The following SEMA6D variants were observed in gnomAD, a reference collection of about 807,000 sequenced individuals.
The protein encoded by SEMA6D is semaphorin-6D.
Under a neutral mutation model 106.6 loss-of-function variants are expected in SEMA6D, and 35 were observed. The observed-to-expected ratio is 0.33, with a 90% CI of 0.25 to 0.44. The LOEUF is 0.44. Ranked by LOEUF, SEMA6D falls within the 20% of genes least tolerant of loss-of-function variation. The probability of loss-of-function intolerance (pLI) is 1.00; values close to 1 mark genes in which losing one functional copy is unlikely to be tolerated. For synonymous variants in SEMA6D, 499 were observed against 487.7 expected, an observed-to-expected ratio of 1.02 and a Z score of -0.31; for missense variants, 1,185 against 1,345.9, an observed-to-expected ratio of 0.88 and a Z score of 1.87.
At position 47,305,069 on chromosome 15, in the gene SEMA6D, G is replaced by A. The variant is rs141070231; in HGVS notation, c.-238-107324G>A. The stretch of plus-strand genomic sequence containing the variant: ...TGTAAAGATTAGAAATAATCATCTG[G>A]GTTTCTTATTAAAAACGTAAGTTCA... On this transcript the variant is annotated intron_variant, in intron 1 of 19. Transcript: ENST00000558014. 3.2e-3 allele frequency among the ~76,000 whole-genome samples: 489 copies of A among 152,104 alleles called. 3 individuals are homozygous for A. The highest frequency in any genetic ancestry group is 0.011 in the African/African-American group (474 of 41,478).
chr15:47,419,288 A>G (rs151216245), intron 2 of SEMA6D, among the ~76,000 whole-genome samples: 2 of 152,294 alleles, frequency 1.3e-5, no homozygotes, highest in East Asian at 1.9e-4. Context: ...GAGTGGCTCA[A>G]GAAGGATGGC....
chr15:47,679,343 A>C (rs935029726), intron 4 of SEMA6D, among the ~76,000 whole-genome samples: 4 of 152,244 alleles, frequency 2.6e-5, no homozygotes, highest in Admixed American at 6.5e-5. Flanking sequence ...GGATTGGACT[A>C]AGTAGTGATA....
At chr15:47,667,290 G>A (rs1324845655) in intron 4 of SEMA6D, among the ~76,000 whole-genome samples, 1 of 152,192 alleles carries the variant, frequency 6.6e-6, no homozygotes, top group Non-Finnish European at 1.5e-5. Context: ...GAAACACTAA[G>A]TAATTGTACA....
chr15:47,633,007 G>A (rs1265212502), intron 4 of SEMA6D, among the ~76,000 whole-genome samples: 6 of 151,940 alleles, frequency 3.9e-5, no homozygotes, highest in Non-Finnish European at 5.9e-5. Context: ...ACCACTTCAA[G>A]TGATAGGTAG....
intron 1 of SEMA6D, among the ~76,000 whole-genome samples, chr15:47,211,521 C>A (rs1050467745): frequency 2.0e-5 from 3 of 152,114 alleles, no homozygotes. Flanking sequence ...GATGCATGAT[C>A]CTAAACTGAC....
intron 1 of SEMA6D, among the ~76,000 whole-genome samples, chr15:47,193,018 T>C (rs1894070651): frequency 1.3e-5 from 2 of 152,160 alleles, no homozygotes; most frequent in African/African-American, 4.8e-5. Flanking sequence ...GAAACCATCA[T>C]TTTGGGCCTG....
At chr15:47,741,311 C>T in intron 1 of SEMA6D, among the ~76,000 whole-genome samples, 1 of 152,232 alleles carries the variant, frequency 6.6e-6, no homozygotes, top group Non-Finnish European at 1.5e-5. Context: ...TTATTCTTAG[C>T]ATAATGCCTG....
rs767251399 is a variant in SEMA6D, at chr15:47,761,617, A to C, written c.448-44A>C. 3 of 1,441,572 alleles carry C rather than the reference A, an allele frequency of 2.1e-6. No individual in the cohort carries two copies. In the South Asian group the frequency reaches 3.6e-5, roughly 18 times the overall value. 89.3% of individuals were successfully genotyped at this position (1,441,572 alleles called of 1,614,324 possible). ...AAAATAGTATTGCCTTCAAACGGGC[A>C]CGTTGAATAGATATGACACTGGCTA... On this transcript the variant is annotated intron_variant, in intron 6 of 18. Coordinates refer to ENST00000536845, the MANE Select transcript of SEMA6D (RefSeq NM_001358351.3).
chr15:47,597,355 T>C (rs548661401), intron 3 of SEMA6D, among the ~76,000 whole-genome samples: 2 of 152,148 alleles, frequency 1.3e-5, no homozygotes, highest in Admixed American at 6.6e-5. Context: ...GTCCGGCAAT[T>C]CCACTACTGG....
chr15:47,641,661 A>G (rs2077491196), intron 4 of SEMA6D, among the ~76,000 whole-genome samples: 1 of 152,138 alleles, frequency 6.6e-6, no homozygotes, highest in East Asian at 1.9e-4. Context: ...AGGACATCAC[A>G]GGCTCTTCCA....
chr15:47,485,420 C>T (rs1294777222), intron 3 of SEMA6D, among the ~76,000 whole-genome samples: 2 of 151,870 alleles, frequency 1.3e-5, no homozygotes, highest in South Asian at 2.1e-4. Context: ...ATAACTGACA[C>T]CCACCCCCAT....
chr15:47,765,983 C>T lies in SEMA6D; in HGVS notation c.1542C>T (p.Arg514=). The stretch of plus-strand genomic sequence containing the variant: ...GCATTATCCGCATCCCCCTCAGTCG[C>T]TGTGAGCGTTATGGATCATGTAAAA... ...SSCIIRIPLS[R]CERYGSCKKS... The change falls in exon 14 of 19, where the codon CGC becomes CGT. Residue 514 remains arginine, a synonymous_variant. Transcript: ENST00000536845. The T allele has an allele frequency of 6.3e-7, 1 of 1,596,874 alleles. No individual in the cohort carries two copies. Among genetic ancestry groups the T allele is most frequent in the East Asian group, 2.2e-5 (1 of 44,742 alleles).
chr15:47,184,703 G>A (rs1472152030), intron 1 of SEMA6D, among the ~76,000 whole-genome samples: 4 of 152,142 alleles, frequency 2.6e-5, no homozygotes, highest in Non-Finnish European at 4.4e-5. Flanking sequence ...GTGCCAGGCC[G>A]GGGGGAGGGA....
intron 1 of SEMA6D, among the ~76,000 whole-genome samples, chr15:47,220,183 C>T (rs921542004): frequency 1.3e-5 from 2 of 152,132 alleles, no homozygotes; most frequent in Non-Finnish European, 2.9e-5. Context: ...AGAGGAGCTG[C>T]AAAGCCACAT....
At chr15:47,389,138 A>T (rs1404948633) in intron 1 of SEMA6D, among the ~76,000 whole-genome samples, 1 of 152,194 alleles carries the variant, frequency 6.6e-6, no homozygotes, top group East Asian at 1.9e-4. Context: ...ATGTTCTTAG[A>T]AGCAACTTAG....
In SEMA6D at chr15:47,561,527, C is replaced by G. The variant is rs74245626; in HGVS notation, c.-86-39338C>G. ...AAGGAAATGACACCAAAGAGTAACA[C>G]CAAATCCTAAGAAAAAAACTGAAGA... On this transcript the variant is annotated intron_variant, in intron 3 of 19. Coordinates refer to the SEMA6D transcript ENST00000558014. Among the ~76,000 whole-genome samples the G allele has an allele frequency of 5.3e-3, 803 of 151,412 alleles. 64 individuals carry two copies. The East Asian group carries it at 0.15, about 27-fold the overall frequency.
chr15:47,592,063 A>C (rs891492880), intron 3 of SEMA6D, among the ~76,000 whole-genome samples: 1 of 152,100 alleles, frequency 6.6e-6, no homozygotes, highest in Admixed American at 6.5e-5. Flanking sequence ...TGGCATTCTT[A>C]TTGACATTTC....
intron 3 of SEMA6D, among the ~76,000 whole-genome samples, chr15:47,502,613 C>T (rs1034717918): frequency 2.0e-5 from 3 of 152,212 alleles, no homozygotes; most frequent in East Asian, 3.9e-4. Context: ...GTGAAAATGA[C>T]AAGGGCATGT....
At chr15:47,381,938 A>C (rs147674743) in intron 1 of SEMA6D, among the ~76,000 whole-genome samples, 1 of 152,208 alleles carries the variant, frequency 6.6e-6, no homozygotes, top group Admixed American at 6.5e-5. Context: ...TATGTTGAAT[A>C]TTTAGTCTGA....
Sources: allele counts gnomAD v4.1 joint callset (sites outside exome capture counted in the v4.1 genomes callset), GRCh38; gene constraint gnomAD v4.1.1; transcripts MANE v1.5; gene names NCBI Gene and HGNC (gene_info 2026-07-23, HGNC 2026-07-21).